The following UTRN variants were observed in gnomAD, a reference collection of about 807,000 sequenced individuals.
UTRN encodes the protein utrophin.
A neutral mutation model predicts 463.9 loss-of-function variants in UTRN; 283 were observed. The observed-to-expected ratio is 0.61, with a 90% CI of 0.55 to 0.67. The LOEUF is 0.67. Ranked by LOEUF, UTRN falls within the 30% of genes least tolerant of loss-of-function variation. The probability of loss-of-function intolerance (pLI) is 0.00; values close to 1 mark genes in which losing one functional copy is unlikely to be tolerated. For synonymous variants in UTRN, 1,442 were observed against 1,431.5 expected (o/e 1.01, Z -0.17); for missense variants, 3,922 against 4,084.3 (o/e 0.96, Z 1.08).
At chr6:144,739,593 G>T (rs906809370) in intron 54 of UTRN, among the ~76,000 whole-genome samples, 1 of 152,078 alleles carries the variant, frequency 6.6e-6, no homozygotes, top group African/African-American at 2.4e-5. Flanking sequence ...CTAAGTGTAG[G>T]CATGAAGGGG....
In UTRN at chr6:144,635,514, CTTTTTTTTTTTTTTTCTTTTCTTTTT is replaced by C. The variant is rs1241459379; in HGVS notation, c.7480-42876_7480-42851del. On this transcript the variant is annotated intron_variant, in intron 51 of 74. Transcript: ENST00000367545. ...TACTTAGCAGCTAGCCTTTTTTTTT[CTTTTTTTTTTTTTTTCTTTTCTTTTT>C]TTTTTTTTTTTTTTTTTGAGAGGGA... Among the ~76,000 whole-genome samples, 99 of 80,032 alleles carry C rather than the reference CTTTTTTTTTTTTTTTCTTTTCTTTTT, an allele frequency of 1.2e-3. 2 individuals carry two copies. Among genetic ancestry groups the C allele is most frequent in the African/African-American group, 4.4e-3 (90 of 20,528 alleles). The allele number at this position is 80,032 out of a possible 152,430, so 52.5% of individuals were successfully genotyped here. A position where few individuals can be genotyped will look rare whatever the true frequency, so the allele number is the denominator to read the frequency against.
At chr6:144,514,570 C>G in intron 36 of UTRN, 80 bp from the exon 37 acceptor site, 1 of 1,429,888 alleles carries the variant, frequency 7.0e-7, no homozygotes, top group Non-Finnish European at 9.6e-7. Flanking sequence ...TTTAAACTAC[C>G]TTTCCTTCTG....
At chr6:144,488,494 T>C (rs1792703942) in intron 29 of UTRN, among the ~76,000 whole-genome samples, 179 bp from the exon 30 acceptor site, 1 of 152,222 alleles carries the variant, frequency 6.6e-6, no homozygotes, top group Non-Finnish European at 1.5e-5. Flanking sequence ...AGCTGCATGG[T>C]ACATAAGATC....
chr6:144,474,115 C>T (rs1188606693), intron 24 of UTRN, among the ~76,000 whole-genome samples: 2 of 150,100 alleles, frequency 1.3e-5, no homozygotes, highest in African/African-American at 4.9e-5. Context: ...TTTCTTGTGC[C>T]ACATGGTGAG....
intron 51 of UTRN, among the ~76,000 whole-genome samples, chr6:144,663,582 G>T (rs1373843145): frequency 6.6e-6 from 1 of 152,102 alleles, no homozygotes; most frequent in Non-Finnish European, 1.5e-5. Flanking sequence ...AGTGACTGCT[G>T]CCTTTTATTA....
chr6:144,638,565 A>G (rs1411334891), intron 51 of UTRN, among the ~76,000 whole-genome samples: 2 of 152,318 alleles, frequency 1.3e-5, no homozygotes, highest in Admixed American at 6.5e-5. Context: ...TTGTCACTGT[A>G]TGTAGAATTT....
chr6:144,836,263 C>T (rs750962784), intron 70 of UTRN, 38 bp from the exon 71 acceptor site: 6 of 1,612,802 alleles, frequency 3.7e-6, no homozygotes, highest in Admixed American at 1.7e-5. Context: ...CGATAATGCA[C>T]GTGGTAGTCA....
intron 51 of UTRN, among the ~76,000 whole-genome samples, chr6:144,620,168 G>A (rs1356523362): frequency 2.6e-5 from 4 of 152,142 alleles, no homozygotes; most frequent in Non-Finnish European, 5.9e-5. Flanking sequence ...AGATCATTGT[G>A]ATGGCCATGA....
At chr6:144,554,089 T>A (rs1799172674) in intron 48 of UTRN, among the ~76,000 whole-genome samples, 1 of 152,166 alleles carries the variant, frequency 6.6e-6, no homozygotes, top group African/African-American at 2.4e-5. Context: ...GTATGGAATT[T>A]TTATGATGAA....
chr6:144,542,689 A>G (rs1798078484), intron 45 of UTRN, 106 bp from the exon 46 acceptor site: 1 of 1,172,848 alleles, frequency 8.5e-7, no homozygotes, highest in African/African-American at 1.6e-5. Context: ...TCGTTAGGGG[A>G]AGAAAAGTAG....
At position 144,323,239 on chromosome 6, in the gene UTRN, C is replaced by G. The variant is rs184196833; in HGVS notation, c.79+31332C>G. Reference sequence around the variant, plus strand: ...TTCTTAAATTTGGGGATTGGATTGACTATATATATGCCCTTCAGTAAGCTA... The same window carrying G: ...TTCTTAAATTTGGGGATTGGATTGAGTATATATATGCCCTTCAGTAAGCTA... On this transcript the variant is annotated intron_variant, in intron 2 of 74. Transcript: ENST00000367545. 7.9e-5 allele frequency among the ~76,000 whole-genome samples: 12 copies of G among 152,234 alleles called. No individual in the cohort carries two copies. In the East Asian group the frequency reaches 2.1e-3, roughly 27 times the overall value.
At position 144,458,975 on chromosome 6, in the gene UTRN, C is replaced by G; in HGVS notation, c.2490C>G (p.Ser830=). The change falls in exon 20 of 75, where the codon TCC becomes TCG. Residue 830 remains serine, a synonymous_variant. Transcript: ENST00000367545. ...WVKHTSISES[S]RQSLPSLKDS... ...AACACACTTCCATTTCTGAATCTTC[C>G]CGGCAGTCCTTGCCAAGCTTGAAGG... The G allele has an allele frequency of 6.2e-7, 1 of 1,609,396 alleles. No homozygotes were observed. The highest frequency in any genetic ancestry group is 8.5e-7 in the Non-Finnish European group (1 of 1,178,532).
chr6:144,691,914 A>G (rs73591947), intron 52 of UTRN, among the ~76,000 whole-genome samples: 6,047 of 152,136 alleles, frequency 0.04, 390 homozygotes, highest in African/African-American at 0.14. Flanking sequence ...CTTTCAGTTC[A>G]GGGTACATGT....
intron 54 of UTRN, among the ~76,000 whole-genome samples, chr6:144,744,871 C>G (rs990985155): frequency 6.6e-6 from 1 of 152,188 alleles, no homozygotes; most frequent in East Asian, 1.9e-4. Flanking sequence ...CACAAGAACC[C>G]AGTGGAGTGG....
At chr6:144,842,095 G>A (rs1481238149) in intron 73 of UTRN, among the ~76,000 whole-genome samples, 4 of 124,500 alleles carry the variant, frequency 3.2e-5, no homozygotes, top group African/African-American at 6.2e-5. Context: ...GGGAGACAGC[G>A]TGAGACTTCC....
At chr6:144,774,092 T>C (rs1775090843) in intron 59 of UTRN, among the ~76,000 whole-genome samples, 198 bp from the exon 60 acceptor site, 1 of 152,234 alleles carries the variant, frequency 6.6e-6, no homozygotes, top group Non-Finnish European at 1.5e-5. Flanking sequence ...GTAGCACTGC[T>C]TTGAGATGTA....
intron 46 of UTRN, among the ~76,000 whole-genome samples, chr6:144,547,568 C>T (rs115867103): frequency 7.6e-4 from 116 of 152,218 alleles, no homozygotes; most frequent in African/African-American, 2.6e-3. Flanking sequence ...CTGCTGCAGC[C>T]GTGGTGACTC....
In UTRN at chr6:144,513,986, A is replaced by G. The variant is rs1249057189; in HGVS notation, c.5022A>G (p.Leu1674=). Reference sequence around the variant, plus strand: ...CCTGGCTTTATCAAGCTGAAGCTCTATTGGATGAAATTGAAAAGAAACCAA... The same window carrying G: ...CCTGGCTTTATCAAGCTGAAGCTCTGTTGGATGAAATTGAAAAGAAACCAA... ...ISTWLYQAEA[L]LDEIEKKPTS... is the part of the protein sequence containing the mutation. The change falls in exon 36 of 75, where the codon CTA becomes CTG. Residue 1674 remains leucine, a synonymous_variant. Coordinates refer to ENST00000367545, the MANE Select transcript of UTRN (RefSeq NM_007124.3). 7 of 1,614,008 alleles carry G rather than the reference A, an allele frequency of 4.3e-6. No homozygotes were observed. Among genetic ancestry groups the G allele is most frequent in the Admixed American group, 1.7e-5 (1 of 60,022 alleles).
chr6:144,628,434 T>C (rs1334265117), intron 51 of UTRN, among the ~76,000 whole-genome samples: 1 of 152,156 alleles, frequency 6.6e-6, no homozygotes, highest in East Asian at 1.9e-4. Flanking sequence ...AGAACTCCAG[T>C]GCTTAAAACT....
Sources: gnomAD v4.1 joint callset for allele counts (sites outside exome capture counted in the v4.1 genomes callset) on GRCh38, gnomAD v4.1.1 for gene constraint, MANE v1.5 for transcripts, NCBI Gene and HGNC (gene_info 2026-07-23, HGNC 2026-07-21) for gene names.